DCLK1: variants seen among roughly 807,000 people sequenced by gnomAD.
The protein encoded by DCLK1 is serine/threonine-protein kinase DCLK1.
In DCLK1, 16 loss-of-function variants were observed where a neutral mutation model predicts 86.2. That is an observed-to-expected ratio of 0.19 (90% confidence interval 0.13 to 0.28). DCLK1 has a LOEUF of 0.28. Among genes scored for constraint, DCLK1 ranks in the 10% least tolerant of loss-of-function variants. DCLK1 has a pLI of 1.00. For missense variants in DCLK1, 590 were observed against 940.2 expected, an observed-to-expected ratio of 0.63 and a Z score of 4.87; for synonymous variants, 369 against 370.5, an observed-to-expected ratio of 1.00 and a Z score of 0.05.
intron 3 of DCLK1, among the ~76,000 whole-genome samples, chr13:36,018,364 T>C (rs1326633542): frequency 6.6e-6 from 1 of 152,218 alleles, no homozygotes; most frequent in Non-Finnish European, 1.5e-5. Flanking sequence ...TGGCATAAAA[T>C]TCATAAGTTA....
intron 16 of DCLK1, among the ~76,000 whole-genome samples, chr13:35,780,883 C>T (rs1033158826): frequency 1.3e-5 from 2 of 152,194 alleles, no homozygotes; most frequent in Non-Finnish European, 2.9e-5. Flanking sequence ...TGCCGTAACA[C>T]CAGGCATACA....
At chr13:35,824,144 C>T (rs908123612) in intron 10 of DCLK1, among the ~76,000 whole-genome samples, 18 of 152,110 alleles carry the variant, frequency 1.2e-4, no homozygotes, top group African/African-American at 4.1e-4. Context: ...AAAGATTCCA[C>T]CAGTCCCAGT....
At chr13:35,884,565 T>C (rs1042863633) in intron 4 of DCLK1, among the ~76,000 whole-genome samples, 21 of 152,160 alleles carry the variant, frequency 1.4e-4, no homozygotes, top group African/African-American at 5.1e-4. Flanking sequence ...AAAAAGAGCA[T>C]AACAATGTGA....
rs2153132094 is a variant in DCLK1 at position 35,942,646 on chromosome 13, T to C, written c.823+4712A>G. On this transcript the variant is annotated intron_variant, in intron 4 of 16. Coordinates refer to ENST00000360631, the MANE Select transcript of DCLK1 (RefSeq NM_001330071.2). Reference sequence around the variant, plus strand: ...CTCCGGCACATTTGACATCAGCCTATAAATCAGTACCTTTTGGACAGAGAA... The same window carrying C: ...CTCCGGCACATTTGACATCAGCCTACAAATCAGTACCTTTTGGACAGAGAA... 1.3e-5 allele frequency among the ~76,000 whole-genome samples: 2 copies of C among 152,224 alleles called. 1 individual carries two copies. Among genetic ancestry groups the C allele is most frequent in the East Asian group, 3.8e-4 (2 of 5,198 alleles).
At chr13:36,037,896 T>C (rs1302002830) in intron 3 of DCLK1, among the ~76,000 whole-genome samples, 1 of 152,056 alleles carries the variant, frequency 6.6e-6, no homozygotes, top group Non-Finnish European at 1.5e-5. Context: ...TCTAATCCCC[T>C]ACTGTAAAAA....
chr13:35,854,126 C>T (rs2153110568), intron 6 of DCLK1, among the ~76,000 whole-genome samples: 1 of 152,302 alleles, frequency 6.6e-6, no homozygotes, highest in South Asian at 2.1e-4. Context: ...CAATTTTCCA[C>T]CAGGGCCCTC....
rs182162214 is a variant in DCLK1 at position 36,059,001 on chromosome 13, C to T, written c.723+52868G>A. 1.2e-4 allele frequency among the ~76,000 whole-genome samples: 18 copies of T among 152,292 alleles called. No individual in the cohort carries two copies. In the East Asian group the frequency reaches 3.5e-3, roughly 29 times the overall value. On this transcript the variant is annotated intron_variant, in intron 3 of 16. Transcript: ENST00000360631. ...AAGGTAAATAAAATTGATTCTAATA[C>T]TTTTCTTAAAAAATTCCACCTGCAA...
intron 6 of DCLK1, chr13:35,846,573 T>A: frequency 1.0e-6 from 1 of 985,352 alleles, no homozygotes; most frequent in South Asian, 4.7e-5. Flanking sequence ...TCCTCTTTTT[T>A]CCACATGCAT....
intron 6 of DCLK1, among the ~76,000 whole-genome samples, chr13:35,853,305 A>T (rs1870791314): frequency 6.6e-6 from 1 of 152,234 alleles, no homozygotes; most frequent in African/African-American, 2.4e-5. Context: ...GACCCAGAAA[A>T]GATAATAGGC....
intron 4 of DCLK1, among the ~76,000 whole-genome samples, chr13:35,884,592 AT>A (rs1171610303): frequency 6.6e-6 from 1 of 152,224 alleles, no homozygotes; most frequent in African/African-American, 2.4e-5. Context: ...ATAAAATTTG[AT>A]CACTGTCTCC....
chr13:35,837,047 G>A (rs912979925), intron 7 of DCLK1, among the ~76,000 whole-genome samples: 3 of 152,076 alleles, frequency 2.0e-5, no homozygotes, highest in African/African-American at 4.8e-5. Flanking sequence ...ATGGAACCCC[G>A]GTGTGTTTTC....
intron 6 of DCLK1, chr13:35,848,130 T>G: frequency 1.0e-6 from 1 of 985,306 alleles, no homozygotes; most frequent in Non-Finnish European, 1.2e-6. Flanking sequence ...CAGAGCGCAT[T>G]TAAGGATTAT....
chr13:36,021,243 TA>T (rs36052794), intron 3 of DCLK1, among the ~76,000 whole-genome samples: 100,328 of 149,014 alleles, frequency 0.67, 33,999 homozygotes, highest in East Asian at 0.77. Flanking sequence ...ATAAAAATAA[TA>T]AAAAAAAAAA....
Position 36,111,852 on chromosome 13 carries a change from CACA to C in DCLK1, c.723+14_723+16del, listed in dbSNP as rs750835146. 1.9e-6 allele frequency: 3 copies of C among 1,592,806 alleles called. No homozygotes were observed. Among genetic ancestry groups the C allele is most frequent in the Non-Finnish European group, 2.6e-6 (3 of 1,165,256 alleles). On this transcript the variant is annotated intron_variant, in intron 3 of 16. Transcript: ENST00000360631. ...TCTTGCCTTAAAGTCAAAGTCACAT[CACA>C]ATATGTCTCTTACCTGTTTCCCATC...
chr13:35,850,403 G>A, intron 6 of DCLK1: 1 of 1,037,458 alleles, frequency 9.6e-7, no homozygotes, highest in Non-Finnish European at 1.2e-6. Context: ...TTGCCACATG[G>A]TTAGTGTGTT....
Position 36,120,335 on chromosome 13 carries a change from A to T in DCLK1, c.376+5427T>A, listed in dbSNP as rs73529431. Among the ~76,000 whole-genome samples the T allele has an allele frequency of 9.5e-3, 1,443 of 152,310 alleles. 24 individuals carry two copies. Among genetic ancestry groups the T allele is most frequent in the African/African-American group, 0.033 (1,366 of 41,580 alleles). Reference sequence around the variant, plus strand: ...ATGTGCCACAATATTTGGTTATAAGATTATAACACCATATTTTTATTGTAC... The same window carrying T: ...ATGTGCCACAATATTTGGTTATAAGTTTATAACACCATATTTTTATTGTAC... On this transcript the variant is annotated intron_variant, in intron 2 of 16. Transcript: ENST00000360631.
intron 3 of DCLK1, among the ~76,000 whole-genome samples, chr13:35,977,084 A>G (rs991056441): frequency 2.0e-5 from 3 of 151,924 alleles, no homozygotes; most frequent in African/African-American, 7.2e-5. Flanking sequence ...GATGTTAAGA[A>G]ATGACAAAAA....
At chr13:35,854,700 A>G in intron 5 of DCLK1, 107 bp from the exon 6 acceptor site, 1 of 912,554 alleles carries the variant, frequency 1.1e-6, no homozygotes, top group Admixed American at 3.3e-5. Context: ...GCCATCTACT[A>G]GAACTCTAGA....
chr13:35,964,729 C>T (rs1020432429), intron 3 of DCLK1, among the ~76,000 whole-genome samples: 22 of 149,292 alleles, frequency 1.5e-4, no homozygotes, highest in African/African-American at 5.4e-4. Flanking sequence ...TGGGCCAAAT[C>T]TTTTTGTACA....
Sources: allele counts gnomAD v4.1 joint callset (sites outside exome capture counted in the v4.1 genomes callset), GRCh38; gene constraint gnomAD v4.1.1; transcripts MANE v1.5; gene names NCBI Gene and HGNC (gene_info 2026-07-23, HGNC 2026-07-21).